The following DTD1 variants were observed in gnomAD, a reference collection of about 807,000 sequenced individuals.
The protein encoded by DTD1 is D-tyrosyl-tRNA deacylase 1 homolog.
Under a neutral mutation model 25.6 loss-of-function variants are expected in DTD1, and 13 were observed. The observed-to-expected ratio is 0.51, with a 90% CI of 0.33 to 0.81. The LOEUF (loss-of-function observed/expected upper bound fraction) is 0.81. Ranked by LOEUF, DTD1 falls within the 30% of genes least tolerant of loss-of-function variation. The pLI, the probability that DTD1 is intolerant of heterozygous loss-of-function variation, is 0.02. For missense variants in DTD1, 193 were observed against 266.4 expected (o/e 0.72, Z 1.92); for synonymous variants, 110 against 103.6 (o/e 1.06, Z -0.37).
At chr20:18,686,081 T>C (rs977535586) in intron 4 of DTD1, among the ~76,000 whole-genome samples, 3 of 152,220 alleles carry the variant, frequency 2.0e-5, no homozygotes, top group Non-Finnish European at 4.4e-5. Context: ...AGTGTCAGCC[T>C]CAGGTTCTGT....
At chr20:18,612,749 C>A (rs1207743868) in intron 3 of DTD1, among the ~76,000 whole-genome samples, 4 of 152,048 alleles carry the variant, frequency 2.6e-5, no homozygotes, top group African/African-American at 9.7e-5. Context: ...ACCTCCTCCT[C>A]CCAGGTTCAA....
intron 4 of DTD1, among the ~76,000 whole-genome samples, chr20:18,706,901 A>G (rs1350174899): frequency 2.6e-5 from 4 of 152,160 alleles, no homozygotes; most frequent in African/African-American, 7.2e-5. Flanking sequence ...TTTTAATTGA[A>G]TGTTTCGGAA....
chr20:18,623,149 C>T (rs550728660), intron 3 of DTD1, among the ~76,000 whole-genome samples: 20 of 151,888 alleles, frequency 1.3e-4, no homozygotes, highest in Non-Finnish European at 2.1e-4. Flanking sequence ...CTGTGTTAGC[C>T]AGGATGGTCT....
intron 5 of DTD1, among the ~76,000 whole-genome samples, chr20:18,754,502 T>G (rs145809416): frequency 6.6e-6 from 1 of 152,326 alleles, no homozygotes; most frequent in Non-Finnish European, 1.5e-5. Flanking sequence ...CAGTAGCTCT[T>G]AGAGGGAGGC....
chr20:18,590,338 A>G (rs2060584208), intron 1 of DTD1, among the ~76,000 whole-genome samples: 1 of 152,130 alleles, frequency 6.6e-6, no homozygotes, highest in Non-Finnish European at 1.5e-5. Context: ...CGCCACCGCT[A>G]TGTCCAGCTT....
At chr20:18,731,867 T>C (rs1421950961) in intron 4 of DTD1, among the ~76,000 whole-genome samples, 2 of 152,214 alleles carry the variant, frequency 1.3e-5, no homozygotes, top group Non-Finnish European at 2.9e-5. Context: ...TCTCTTTCTT[T>C]TCTCCTTGAA....
rs374195941 is a variant in DTD1 at position 18,762,475 on chromosome 20, G to A, written c.*20-885G>A. 1.2e-3 allele frequency among the ~76,000 whole-genome samples: 181 copies of A among 152,252 alleles called. 1 individual carries two copies. The highest frequency in any genetic ancestry group is 4.0e-3 in the African/African-American group (168 of 41,556). On this transcript the variant is annotated intron_variant, in intron 5 of 5. Transcript: ENST00000377452. ...TCCTTTGAGTAGTATTTAAAATGTC[G>A]CAAGACTAAGCATTTAGTTTATTCC...
At chr20:18,686,263 A>AG (rs1236662494) in intron 4 of DTD1, among the ~76,000 whole-genome samples, 2 of 152,264 alleles carry the variant, frequency 1.3e-5, no homozygotes, top group African/African-American at 4.8e-5. Flanking sequence ...ATGATTATAA[A>AG]TGGCTGCAGA....
At chr20:18,714,345 T>C (rs1282335889) in intron 4 of DTD1, among the ~76,000 whole-genome samples, 2 of 152,232 alleles carry the variant, frequency 1.3e-5, no homozygotes, top group Non-Finnish European at 2.9e-5. Context: ...AGGCTTCTTG[T>C]TCTCATGCTT....
intron 4 of DTD1, among the ~76,000 whole-genome samples, chr20:18,675,777 CAT>C (rs1470455528): frequency 0.011 from 8 of 758 alleles, no homozygotes; most frequent in African/African-American, 0.051. Flanking sequence ...TATTTACACA[CAT>C]ATATATGTGT....
intron 4 of DTD1, among the ~76,000 whole-genome samples, chr20:18,696,658 G>A (rs1364381412): frequency 1.3e-5 from 2 of 151,968 alleles, no homozygotes; most frequent in Non-Finnish European, 2.9e-5. Flanking sequence ...GGGTTCAAGT[G>A]ATTCTCCTTC....
intron 5 of DTD1, among the ~76,000 whole-genome samples, chr20:18,751,309 G>A (rs961891887): frequency 1.3e-5 from 2 of 151,982 alleles, no homozygotes; most frequent in Non-Finnish European, 2.9e-5. Context: ...TTTAGTGGTT[G>A]CCCTGGAGTT....
At chr20:18,631,276 C>A in intron 4 of DTD1, 1 of 984,772 alleles carries the variant, frequency 1.0e-6, no homozygotes, top group Non-Finnish European at 1.2e-6. Context: ...GCCCCTTGTT[C>A]AAAAAATATT....
intron 4 of DTD1, among the ~76,000 whole-genome samples, chr20:18,647,915 T>C (rs1476214461): frequency 6.6e-6 from 1 of 152,052 alleles, no homozygotes; most frequent in African/African-American, 2.4e-5. Flanking sequence ...CAGGAACAGA[T>C]GGGCAGGGGC....
At chr20:18,646,789 A>AG (rs2060852099) in intron 4 of DTD1, among the ~76,000 whole-genome samples, 1 of 152,152 alleles carries the variant, frequency 6.6e-6, no homozygotes, top group African/African-American at 2.4e-5. Flanking sequence ...TCCAGAAAAA[A>AG]CCCACAACCC....
intron 4 of DTD1, among the ~76,000 whole-genome samples, chr20:18,669,159 AG>A (rs886799536): frequency 5.7e-4 from 40 of 69,922 alleles, no homozygotes; most frequent in African/African-American, 1.4e-3. Context: ...CATGGGGACC[AG>A]GGGGTAGTGA....
At chr20:18,623,618 G>A (rs967910567) in intron 3 of DTD1, among the ~76,000 whole-genome samples, 22 of 152,082 alleles carry the variant, frequency 1.4e-4, no homozygotes, top group Admixed American at 4.6e-4. Flanking sequence ...ACATGCACAC[G>A]GAAGCTGAGA....
intron 3 of DTD1, among the ~76,000 whole-genome samples, chr20:18,600,056 T>C (rs2122252229): frequency 6.6e-6 from 1 of 152,342 alleles, no homozygotes; most frequent in South Asian, 2.1e-4. Flanking sequence ...ATCTGTGGCT[T>C]GTCTTTTCAT....
rs1451113993 is a variant in DTD1 at position 18,765,365 on chromosome 20, C to G, written c.*2025C>G. ...ATGTTGGGAGCTTTTGGTGTTTGAG[C>G]AGAAATTCTGAGCCTATATGTGTGA... On this transcript the variant is annotated 3_prime_UTR_variant, in exon 6 of 6. Transcript: ENST00000377452. 1 of 152,174 alleles carries G rather than the reference C, an allele frequency of 6.6e-6. No homozygotes were observed. Among genetic ancestry groups the G allele is most frequent in the Non-Finnish European group, 1.5e-5 (1 of 68,044 alleles). 9.4% of individuals were successfully genotyped at this position (152,174 alleles called of 1,614,324 possible). A position where few individuals can be genotyped will look rare whatever the true frequency, so the allele number is the denominator to read the frequency against.
Sources: allele counts gnomAD v4.1 joint callset (sites outside exome capture counted in the v4.1 genomes callset), GRCh38; gene constraint gnomAD v4.1.1; transcripts MANE v1.5; gene names NCBI Gene and HGNC (gene_info 2026-07-23, HGNC 2026-07-21).